Variants in ANKS6 observed in about 807,000 individuals in gnomAD.
ANKS6 encodes ankyrin repeat and sterile alpha motif domain containing 6.
Under a neutral mutation model 77.9 loss-of-function variants are expected in ANKS6, and 47 were observed. The observed-to-expected ratio is 0.60, with a 90% CI of 0.48 to 0.77. ANKS6 has a LOEUF of 0.77. ANKS6 is among the 30% of genes least tolerant of loss of function. The pLI is 0.00. For missense variants in ANKS6, 1,150 were observed against 1,159.1 expected, an observed-to-expected ratio of 0.99 and a Z score of 0.11; for synonymous variants, 488 against 501.7, an observed-to-expected ratio of 0.97 and a Z score of 0.37.
At chr9:98,742,664 G>C (rs569501939) in intron 14 of ANKS6, among the ~76,000 whole-genome samples, 2 of 152,086 alleles carry the variant, frequency 1.3e-5, no homozygotes, top group South Asian at 4.2e-4. Flanking sequence ...CTGCCTGTTG[G>C]GGGGACACAG....
rs1459217987 is a variant in ANKS6, at chr9:98,773,971, C to T, written c.1727G>A (p.Arg576Gln). ...GTCTGCCTTCCCGTTGTGACGCGTC[C>T]GGGACCGATCAGAGCTCCACAGCTC... ...SFELWSSDRSRTRHNGKADPM... is the reference protein window; with the variant it reads ...SFELWSSDRSQTRHNGKADPM... Residue 576 changes from arginine (R) to glutamine (Q), a missense_variant, in exon 9 of 15, where the codon CGG becomes CAG. Coordinates refer to ENST00000353234, the MANE Select transcript of ANKS6 (RefSeq NM_173551.5). 21 of 1,599,134 alleles carry T rather than the reference C, an allele frequency of 1.3e-5. No homozygotes were observed. The highest frequency in any genetic ancestry group is 1.6e-5 in the Non-Finnish European group (19 of 1,174,558).
Position 98,733,163 on chromosome 9 carries a change from G to A in ANKS6, c.*3356C>T, listed in dbSNP as rs190861316. 5.0e-4 allele frequency: 488 copies of A among 975,588 alleles called. No individual in the cohort carries two copies. Among genetic ancestry groups the A allele is most frequent in the Middle Eastern group, 1.1e-3 (2 of 1,892 alleles). The allele number at this position is 975,588 out of a possible 1,614,324, so 60.4% of individuals were successfully genotyped here. On this transcript the variant is annotated 3_prime_UTR_variant, in exon 15 of 15. Coordinates refer to ENST00000353234, the MANE Select transcript of ANKS6 (RefSeq NM_173551.5). ...TTTGGAGACAGAGCGTACGAGTAGGGCTGGCACAGGGTAGATGCTCAGTAA... is the reference window on the plus strand; with the variant it reads ...TTTGGAGACAGAGCGTACGAGTAGGACTGGCACAGGGTAGATGCTCAGTAA...
chr9:98,734,803 A>G lies in ANKS6; in HGVS notation c.*1716T>C. ...AGGGGATGAATGAGTGTGTCTCCTTAAAAAGGCTGGGACATTAGTAACCTT... is the reference window on the plus strand; with the variant it reads ...AGGGGATGAATGAGTGTGTCTCCTTGAAAAGGCTGGGACATTAGTAACCTT... On this transcript the variant is annotated 3_prime_UTR_variant, in exon 15 of 15. Coordinates refer to ENST00000353234, the MANE Select transcript of ANKS6 (RefSeq NM_173551.5). The G allele has an allele frequency of 1.0e-6, 1 of 985,360 alleles. No homozygotes were observed. Among genetic ancestry groups the G allele is most frequent in the Non-Finnish European group, 1.2e-6 (1 of 829,848 alleles). 61.0% of individuals were successfully genotyped at this position (985,360 alleles called of 1,614,324 possible).
In ANKS6 at chr9:98,784,824, G is replaced by C. The variant is rs775680028; in HGVS notation, c.907+8C>G. 75 of 1,611,880 alleles carry C rather than the reference G, an allele frequency of 4.7e-5. No individual in the cohort carries two copies. The highest frequency in any genetic ancestry group is 6.3e-5 in the Non-Finnish European group (74 of 1,179,008). On this transcript the variant is annotated splice_region_variant and intron_variant, in intron 3 of 14. Coordinates refer to ENST00000353234, the MANE Select transcript of ANKS6 (RefSeq NM_173551.5). ...TAAATATCCAAAAAGATTTTCTAAA[G>C]CGCTTACCCATTTTCAATGCATGGA... is the stretch of plus-strand genomic sequence containing the variant.
At chr9:98,763,241 T>C (rs1833108356) in intron 11 of ANKS6, among the ~76,000 whole-genome samples, 1 of 151,934 alleles carries the variant, frequency 6.6e-6, no homozygotes, top group Non-Finnish European at 1.5e-5. Context: ...AGAGATCACA[T>C]TCTAGGGCAC....
At chr9:98,781,585 C>T (rs1834262288) in intron 5 of ANKS6, among the ~76,000 whole-genome samples, 1 of 152,142 alleles carries the variant, frequency 6.6e-6, no homozygotes, top group African/African-American at 2.4e-5. Context: ...CCTCTGCTTC[C>T]CCTCTCAGAC....
At chr9:98,794,445 T>A (rs1835070769) in intron 1 of ANKS6, among the ~76,000 whole-genome samples, 1 of 152,184 alleles carries the variant, frequency 6.6e-6, no homozygotes, top group Non-Finnish European at 1.5e-5. Context: ...ACACTGTACA[T>A]CCTTCTGGAA....
intron 14 of ANKS6, among the ~76,000 whole-genome samples, chr9:98,740,484 C>T (rs555780388): frequency 2.0e-5 from 3 of 152,302 alleles, no homozygotes; most frequent in East Asian, 3.9e-4. Flanking sequence ...TACCTGCCAG[C>T]GCTGCACTGA....
At chr9:98,769,719 C>T (rs1183058619) in intron 10 of ANKS6, among the ~76,000 whole-genome samples, 3 of 152,190 alleles carry the variant, frequency 2.0e-5, no homozygotes, top group East Asian at 3.8e-4. Flanking sequence ...AGCTATTTGA[C>T]CCCGGACGAG....
intron 3 of ANKS6, chr9:98,784,463 C>A (rs771610610): frequency 1.8e-5 from 7 of 398,720 alleles, no homozygotes; most frequent in Admixed American, 4.1e-5. Flanking sequence ...GGTCTCGCTG[C>A]GGGGTGAGGA....
intron 11 of ANKS6, among the ~76,000 whole-genome samples, chr9:98,763,910 A>G (rs1349297601): frequency 6.6e-6 from 1 of 152,146 alleles, no homozygotes; most frequent in Non-Finnish European, 1.5e-5. Flanking sequence ...CAAAGTACAA[A>G]AACTCACCCA....
Position 98,756,425 on chromosome 9 carries a change from T to C in ANKS6, c.2321A>G (p.Asp774Gly), listed in dbSNP as rs765975191. Residue 774 changes from aspartate to glycine, a missense_variant, in exon 12 of 15, where the codon GAT becomes GGT. By Grantham distance (94) the Asp-to-Gly change is moderately conservative. Transcript: ENST00000353234. ...CAGGCCCTCAGGGGACTCACCCTCA[T>C]CTGTGATGGTGCCACTGCTGGAGCC... The part of the protein sequence containing the change: ...SGGSSSGTIT[D>G]EDELTGILKK... The C allele has an allele frequency of 1.9e-6, 3 of 1,612,968 alleles. No homozygotes were observed. In the Admixed American group the frequency reaches 5.0e-5, roughly 27 times the overall value.
chr9:98,759,009 T>C (rs1832868960), intron 11 of ANKS6, among the ~76,000 whole-genome samples: 1 of 152,354 alleles, frequency 6.6e-6, no homozygotes, highest in Admixed American at 6.5e-5. Flanking sequence ...CACTTAGATC[T>C]TCTGTCATAG....
chr9:98,748,674 T>C (rs1832272214), intron 13 of ANKS6, among the ~76,000 whole-genome samples: 1 of 152,130 alleles, frequency 6.6e-6, no homozygotes, highest in Non-Finnish European at 1.5e-5. Flanking sequence ...CCACATACAC[T>C]AGTGGGGGTG....
chr9:98,765,861 G>A (rs1166289077), intron 11 of ANKS6, among the ~76,000 whole-genome samples: 1 of 152,140 alleles, frequency 6.6e-6, no homozygotes, highest in East Asian at 1.9e-4. Context: ...GATTGAGGAG[G>A]CTCATATGTT....
At chr9:98,758,766 A>G (rs1348014298) in intron 11 of ANKS6, among the ~76,000 whole-genome samples, 1 of 152,180 alleles carries the variant, frequency 6.6e-6, no homozygotes, top group Non-Finnish European at 1.5e-5. Flanking sequence ...AAACTTTGCT[A>G]CTTATTTATT....
At chr9:98,780,360 T>G in intron 5 of ANKS6, 23 bp from the exon 6 acceptor site, 1 of 1,561,194 alleles carries the variant, frequency 6.4e-7, no homozygotes, top group South Asian at 1.2e-5. Flanking sequence ...AAGGCATCAT[T>G]TTACCTGCAA....
chr9:98,769,825 G>A (rs985631926), intron 10 of ANKS6, among the ~76,000 whole-genome samples: 1 of 152,144 alleles, frequency 6.6e-6, no homozygotes, highest in Admixed American at 6.6e-5. Flanking sequence ...TTCATTCGAA[G>A]GGCTTGGCAC....
intron 1 of ANKS6, among the ~76,000 whole-genome samples, chr9:98,792,886 TG>T (rs1440258512): frequency 6.6e-6 from 1 of 152,234 alleles, no homozygotes; most frequent in Non-Finnish European, 1.5e-5. Flanking sequence ...AAATTTGGAA[TG>T]TTTTCTGAAT....
Sources: gnomAD v4.1 joint callset for allele counts (sites outside exome capture counted in the v4.1 genomes callset) on GRCh38, gnomAD v4.1.1 for gene constraint, MANE v1.5 for transcripts, NCBI Gene and HGNC (gene_info 2026-07-23, HGNC 2026-07-21) for gene names.